Variants in SCNN1G observed in about 807,000 individuals in gnomAD.
SCNN1G encodes the protein sodium channel epithelial 1 subunit gamma, also known as epithelial sodium channel subunit gamma.
Under a neutral mutation model 64.6 loss-of-function variants are expected in SCNN1G, and 27 were observed. The observed-to-expected ratio is 0.42, with a 90% CI of 0.31 to 0.58. The LOEUF (loss-of-function observed/expected upper bound fraction) is 0.58. Ranked by LOEUF, SCNN1G falls within the 20% of genes least tolerant of loss-of-function variation. The pLI, the probability that SCNN1G is intolerant of heterozygous loss-of-function variation, is 0.18. For missense variants in SCNN1G, 743 were observed against 823.4 expected, an observed-to-expected ratio of 0.90 and a Z score of 1.19; for synonymous variants, 330 against 314.2, an observed-to-expected ratio of 1.05 and a Z score of -0.53.
chr16:23,187,825 A>C (rs771232811), intron 2 of SCNN1G, among the ~76,000 whole-genome samples: 1 of 152,180 alleles, frequency 6.6e-6, no homozygotes, highest in Non-Finnish European at 1.5e-5. Flanking sequence ...TCCGTGAGGC[A>C]GGTCAGAATC....
chr16:23,200,146 T>A (rs1243524410), intron 6 of SCNN1G, among the ~76,000 whole-genome samples: 1 of 152,226 alleles, frequency 6.6e-6, no homozygotes, highest in Non-Finnish European at 1.5e-5. Context: ...CCAAACCTGG[T>A]TGATTATCAG....
rs1264231669 is a variant in SCNN1G, at chr16:23,216,795, C to G, written c.*1326C>G. ...AATTTTTATTTTTGCTTTTAAATAG[C>G]AAAAGAAGAAGATTCTGTGACTCAT... On this transcript the variant is annotated 3_prime_UTR_variant, in exon 13 of 13. Transcript: ENST00000300061. 6.6e-6 allele frequency: 1 copy of G among 152,014 alleles called. No homozygotes were observed. The highest frequency in any genetic ancestry group is 2.4e-5 in the African/African-American group (1 of 41,382). The allele number at this position is 152,014 out of a possible 1,614,324, so 9.4% of individuals were successfully genotyped here.
chr16:23,213,095 G>A lies in SCNN1G; in HGVS notation c.1432-7G>A, dbSNP rs13306653. The A allele has an allele frequency of 0.21, 330,710 of 1,610,694 alleles. 36,039 individuals are homozygous for A. The highest frequency in any genetic ancestry group is 0.25 in the African/African-American group (18,551 of 74,756). On this transcript the variant is annotated splice_polypyrimidine_tract_variant and splice_region_variant and intron_variant, in intron 10 of 12. Transcript: ENST00000300061. Reference sequence around the variant, plus strand: ...CCTCAGGCCCACGCTTTCTCTCTCCGTTGTAGAAGTGGTTGCTGCCTGTTC... The same window carrying A: ...CCTCAGGCCCACGCTTTCTCTCTCCATTGTAGAAGTGGTTGCTGCCTGTTC...
intron 6 of SCNN1G, among the ~76,000 whole-genome samples, chr16:23,208,342 C>T (rs1960024187): frequency 6.6e-6 from 1 of 151,662 alleles, no homozygotes; most frequent in Non-Finnish European, 1.5e-5. Flanking sequence ...GTGAGACCCT[C>T]ATCTCTAAAA....
chr16:23,190,006 G>T (rs1959680818), intron 3 of SCNN1G, among the ~76,000 whole-genome samples: 1 of 152,016 alleles, frequency 6.6e-6, no homozygotes, highest in Non-Finnish European at 1.5e-5. Context: ...GGAGGTGGAG[G>T]TTGCAGTGAG....
rs775500246 is a variant in SCNN1G at position 23,189,457 on chromosome 16, G to A, written c.404G>A (p.Arg135Gln). ...TCCCTGTATGGCTTTCCAGAGTCCC[G>A]GAAGCGCCGAGAGGCGGAGTCCTGG... ...LKSLYGFPES[R>Q]KRREAESWNS... The change falls in exon 3 of 13, where the codon CGG becomes CAG. Residue 135 changes from arginine to glutamine, a missense_variant. Physicochemically the swap from Arg to Gln is conservative, Grantham distance 43. Coordinates refer to ENST00000300061, the MANE Select transcript of SCNN1G (RefSeq NM_001039.4). The A allele has an allele frequency of 2.5e-6, 4 of 1,614,148 alleles. No homozygotes were observed. Among genetic ancestry groups the A allele is most frequent in the South Asian group, 1.1e-5 (1 of 91,080 alleles).
chr16:23,204,325 AT>A, intron 6 of SCNN1G, among the ~76,000 whole-genome samples: 1 of 97,410 alleles, frequency 1.0e-5, no homozygotes, highest in South Asian at 3.9e-4. Flanking sequence ...ATATATATAT[AT>A]ATATATATAG....
chr16:23,214,579 A>G, intron 11 of SCNN1G, 133 bp from the exon 12 acceptor site: 1 of 734,698 alleles, frequency 1.4e-6, no homozygotes, highest in East Asian at 2.6e-5. Context: ...CTTATGGGCC[A>G]GGTTCTAATA....
chr16:23,197,579 G>T lies in SCNN1G; in HGVS notation c.1077+152G>T, dbSNP rs72647504. On this transcript the variant is annotated intron_variant, in intron 6 of 12. Coordinates refer to ENST00000300061, the MANE Select transcript of SCNN1G (RefSeq NM_001039.4). The stretch of plus-strand genomic sequence containing the variant: ...CCCATGGTTATCCCATTCATTTCAG[G>T]AGTTACATTAAAGGTTGTGTTTGTA... 2,471 of 750,176 alleles carry T rather than the reference G, an allele frequency of 3.3e-3. 24 individuals are homozygous for T. The highest frequency in any genetic ancestry group is 0.013 in the Middle Eastern group (37 of 2,752). The allele number at this position is 750,176 out of a possible 1,614,324, so 46.5% of individuals were successfully genotyped here.
chr16:23,210,602 G>A (rs1165375159), intron 7 of SCNN1G, among the ~76,000 whole-genome samples: 1 of 152,096 alleles, frequency 6.6e-6, no homozygotes, highest in African/African-American at 2.4e-5. Context: ...GGAATTTATA[G>A]TTCACCTCCT....
chr16:23,194,159 C>T lies in SCNN1G; in HGVS notation c.810-12C>T. Reference sequence around the variant, plus strand: ...GGGAGATCCCTTTCTGACCCATTTTCTTCCTCCATAGGAATTTCACGCTTT... The same window carrying T: ...GGGAGATCCCTTTCTGACCCATTTTTTTCCTCCATAGGAATTTCACGCTTT... On this transcript the variant is annotated splice_polypyrimidine_tract_variant and intron_variant, in intron 4 of 12. Transcript: ENST00000300061. 1 of 1,592,640 alleles carries T rather than the reference C, an allele frequency of 6.3e-7. No homozygotes were observed. The highest frequency in any genetic ancestry group is 8.6e-7 in the Non-Finnish European group (1 of 1,160,616).
chr16:23,197,546 C>G, intron 6 of SCNN1G, 119 bp downstream of exon 6: 1 of 881,550 alleles, frequency 1.1e-6, no homozygotes. Context: ...AACATGGTCC[C>G]AGATTTTCCC....
rs5726 is a variant in SCNN1G at position 23,215,705 on chromosome 16, C to T, written c.*236C>T. 0.2 allele frequency: 116,513 copies of T among 594,648 alleles called. 12,511 individuals carry two copies. Among genetic ancestry groups the T allele is most frequent in the African/African-American group, 0.25 (13,301 of 53,842 alleles). The allele number at this position is 594,648 out of a possible 1,614,324, so 36.8% of individuals were successfully genotyped here. A position where few individuals can be genotyped will look rare whatever the true frequency, so the allele number is the denominator to read the frequency against. ...TCCAGGCTGAGATAAATCCCGGGAC[C>T]TGAACTATTAGCACGTCACTAGAGA... On this transcript the variant is annotated 3_prime_UTR_variant, in exon 13 of 13. Transcript: ENST00000300061.
chr16:23,207,785 G>A (rs1227918624), intron 6 of SCNN1G, among the ~76,000 whole-genome samples: 1 of 152,176 alleles, frequency 6.6e-6, no homozygotes, highest in African/African-American at 2.4e-5. Context: ...GGAGACTAAT[G>A]GGTCAGCAGA....
intron 11 of SCNN1G, among the ~76,000 whole-genome samples, chr16:23,214,299 G>A (rs937109526): frequency 6.6e-6 from 1 of 152,208 alleles, no homozygotes; most frequent in African/African-American, 2.4e-5. Context: ...GACAGTGCTT[G>A]GCAACACAGG....
At chr16:23,209,538 GA>G (rs1261034120) in intron 6 of SCNN1G, among the ~76,000 whole-genome samples, 2 of 152,152 alleles carry the variant, frequency 1.3e-5, no homozygotes, top group Admixed American at 1.3e-4. Context: ...GGAGAGCAGG[GA>G]ACTTATCTAT....
rs1408291647 is a variant in SCNN1G at position 23,216,399 on chromosome 16, G to GT, written c.*931dup. 1 of 152,286 alleles carries GT rather than the reference G, an allele frequency of 6.6e-6. No homozygotes were observed. The highest frequency in any genetic ancestry group is 1.9e-4 in the East Asian group (1 of 5,172). The allele number at this position is 152,286 out of a possible 1,614,324, so 9.4% of individuals were successfully genotyped here. ...CTGACCCTTCCATTACCAATGGCCT[G>GT]TCCCTCACCAACAAGCCAACTGCCA... On this transcript the variant is annotated 3_prime_UTR_variant, in exon 13 of 13. Transcript: ENST00000300061.
chr16:23,184,638 C>A (rs1408862198), intron 1 of SCNN1G, among the ~76,000 whole-genome samples: 1 of 152,152 alleles, frequency 6.6e-6, no homozygotes, highest in Non-Finnish European at 1.5e-5. Context: ...GCCCAGCACT[C>A]CATTTCCTTT....
At chr16:23,188,561 G>C (rs1370939587) in intron 2 of SCNN1G, among the ~76,000 whole-genome samples, 1 of 152,130 alleles carries the variant, frequency 6.6e-6, no homozygotes, top group Non-Finnish European at 1.5e-5. Context: ...ATGTATGTCT[G>C]TGTGTGTTTA....
Sources: gnomAD v4.1 joint callset for allele counts (sites outside exome capture counted in the v4.1 genomes callset) on GRCh38, gnomAD v4.1.1 for gene constraint, MANE v1.5 for transcripts, NCBI Gene and HGNC (gene_info 2026-07-23, HGNC 2026-07-21) for gene names.